The following LAMA4 variants were observed in gnomAD, a reference collection of about 807,000 sequenced individuals.
The protein encoded by LAMA4 is laminin subunit alpha 4.
Under a neutral mutation model 207.1 loss-of-function variants are expected in LAMA4, and 127 were observed. The ratio of observed to expected loss-of-function variants is 0.61; its 90% CI spans 0.53 to 0.71. The LOEUF is 0.71. Among genes scored for constraint, LAMA4 ranks in the 30% least tolerant of loss-of-function variants. LAMA4 has a pLI of 0.00. For synonymous variants in LAMA4, 761 were observed against 816.0 expected, an observed-to-expected ratio of 0.93 and a Z score of 1.15; for missense variants, 2,093 against 2,246.5, an observed-to-expected ratio of 0.93 and a Z score of 1.38.
chr6:112,150,624 C>T lies in LAMA4; in HGVS notation c.2060G>A (p.Ser687Asn). The T allele has an allele frequency of 6.2e-7, 1 of 1,611,834 alleles. No homozygotes were observed. The highest frequency in any genetic ancestry group is 8.5e-7 in the Non-Finnish European group (1 of 1,177,844). ...RELQAKAESS[S>N]DEAVADTSRR... Reference sequence around the variant, plus strand: ...GCTAGTGTCAGCCACTGCTTCATCACTGCCTGTGGAAGAGCAGCAGAAAGA... The same window carrying T: ...GCTAGTGTCAGCCACTGCTTCATCATTGCCTGTGGAAGAGCAGCAGAAAGA... Residue 687 changes from serine to asparagine, a missense_variant, in exon 17 of 39, where the codon AGT becomes AAT. By Grantham distance (46) the Ser-to-Asn change is conservative. Transcript: ENST00000230538.
chr6:112,161,074 C>T (rs537943709), intron 13 of LAMA4, among the ~76,000 whole-genome samples: 5 of 152,286 alleles, frequency 3.3e-5, no homozygotes, highest in South Asian at 4.1e-4. Flanking sequence ...TGGTCTCTTA[C>T]CTCTGCAAAT....
At position 112,144,876 on chromosome 6, in the gene LAMA4, T is replaced by C; in HGVS notation, c.2411A>G (p.Gln804Arg). 1 of 1,614,078 alleles carries C rather than the reference T, an allele frequency of 6.2e-7. No individual in the cohort carries two copies. Among genetic ancestry groups the C allele is most frequent in the East Asian group, 2.2e-5 (1 of 44,874 alleles). The change falls in exon 19 of 39, where the codon CAG becomes CGG. Residue 804 changes from glutamine (Q) to arginine (R), a missense_variant. Coordinates refer to ENST00000230538, the MANE Select transcript of LAMA4 (RefSeq NM_001105206.3). ...AGAAACGTTGCTTGCAGGTCGCTTC[T>C]GCTCAACCGTACGAAGCTGATCCAG... ...QLLDQLRTVE[Q>R]KRPASNVSAS...
chr6:112,254,393 C>G, intron 1 of LAMA4, 66 bp downstream of exon 1: 4 of 574,796 alleles, frequency 7.0e-6, no homozygotes, highest in South Asian at 2.0e-5. Flanking sequence ...CTCCCTCTCC[C>G]TCTTTCACTT....
chr6:112,164,459 A>G (rs1380910032), intron 13 of LAMA4, among the ~76,000 whole-genome samples: 3 of 152,130 alleles, frequency 2.0e-5, no homozygotes, highest in Admixed American at 1.3e-4. Context: ...CTGGAGGATA[A>G]GCTTGCTGGA....
chr6:112,191,399 G>A (rs1783112183), intron 6 of LAMA4, among the ~76,000 whole-genome samples: 2 of 152,172 alleles, frequency 1.3e-5, no homozygotes, highest in Admixed American at 1.3e-4. Flanking sequence ...AAGTTCATTT[G>A]TTGTGTTTGT....
At chr6:112,182,415 G>A (rs58039820) in intron 9 of LAMA4, among the ~76,000 whole-genome samples, 27,492 of 152,034 alleles carry the variant, frequency 0.18, 3,027 homozygotes, top group East Asian at 0.29. Flanking sequence ...TGTATTTTGC[G>A]TTTTGGAACT....
chr6:112,218,868 T>G (rs1298376521), intron 2 of LAMA4: 5 of 152,272 alleles, frequency 3.3e-5, no homozygotes, highest in Admixed American at 6.5e-5. Flanking sequence ...GCACACTACG[T>G]TCCTGCTGGG....
chr6:112,246,617 T>A (rs1225357577), intron 2 of LAMA4, among the ~76,000 whole-genome samples: 2 of 151,168 alleles, frequency 1.3e-5, no homozygotes, highest in Admixed American at 1.3e-4. Flanking sequence ...GCCTCCCGAG[T>A]TCAAGGAATT....
intron 19 of LAMA4, among the ~76,000 whole-genome samples, chr6:112,143,284 C>CTTTTTTT (rs61620762): frequency 1.6e-5 from 2 of 124,886 alleles, no homozygotes; most frequent in African/African-American, 3.2e-5. Context: ...AAAACTAATA[C>CTTTTTTT]TTTTTTTTTT....
chr6:112,158,597 A>T (rs1413304492), intron 14 of LAMA4, 135 bp downstream of exon 14: 3 of 886,410 alleles, frequency 3.4e-6, no homozygotes, highest in Non-Finnish European at 5.5e-6. Context: ...ACCAACCAAC[A>T]TATCAACACA....
At position 112,117,939 on chromosome 6, in the gene LAMA4, A is replaced by T. The variant is rs377512739; in HGVS notation, c.4822-41T>A. ...ATTTCTTAAAATCAATTTTCTCAAC[A>T]CAAATGCACCAAGGGGAAGCAAAAT... is the stretch of plus-strand genomic sequence containing the variant. On this transcript the variant is annotated intron_variant, in intron 34 of 38. Transcript: ENST00000230538. The surrounding 1 kb of genome is among the most constrained non-coding windows in gnomAD (Gnocchi z 4.5). 127 of 1,580,954 alleles carry T rather than the reference A, an allele frequency of 8.0e-5. No individual in the cohort carries two copies. The African/African-American group carries it at 1.6e-3, about 20-fold the overall frequency.
chr6:112,209,579 C>T (rs1336526005), intron 3 of LAMA4, among the ~76,000 whole-genome samples: 2 of 152,104 alleles, frequency 1.3e-5, no homozygotes, highest in Non-Finnish European at 2.9e-5. Context: ...AGAAAAGGTC[C>T]CTAGCTCTTC....
chr6:112,208,655 G>C (rs1441451323), intron 3 of LAMA4, among the ~76,000 whole-genome samples: 1 of 152,180 alleles, frequency 6.6e-6, no homozygotes, highest in Non-Finnish European at 1.5e-5. Context: ...GTAGTAAAAT[G>C]AATGCATTAG....
At chr6:112,240,089 C>A (rs1383587945) in intron 2 of LAMA4, among the ~76,000 whole-genome samples, 2 of 152,064 alleles carry the variant, frequency 1.3e-5, no homozygotes, top group African/African-American at 4.8e-5. Context: ...CTTTTGAATC[C>A]TTTTCATTGT....
rs782296410 is a variant in LAMA4 at position 112,189,171 on chromosome 6, T to A, written c.753A>T (p.Val251=). The change falls in exon 7 of 39, where the codon GTA becomes GTT. Residue 251 remains valine (V), a synonymous_variant. Transcript: ENST00000230538. ...CNCGGGPCDS[V]TGECLEEGFE... is the part of the protein sequence containing the mutation. Reference sequence around the variant, plus strand: ...AACCTTCTTCCAAGCATTCTCCGGTTACACTGTCACATGGGCCTCCCCCGC... The same window carrying A: ...AACCTTCTTCCAAGCATTCTCCGGTAACACTGTCACATGGGCCTCCCCCGC... 1 of 1,614,098 alleles carries A rather than the reference T, an allele frequency of 6.2e-7. No individual in the cohort carries two copies. The highest frequency in any genetic ancestry group is 8.5e-7 in the Non-Finnish European group (1 of 1,179,976).
intron 2 of LAMA4, chr6:112,234,645 C>A (rs1179232102): frequency 6.6e-6 from 1 of 151,336 alleles, no homozygotes; most frequent in Non-Finnish European, 1.5e-5. Flanking sequence ...AGATGAAGAT[C>A]TAATGTCATA....
intron 38 of LAMA4, among the ~76,000 whole-genome samples, chr6:112,111,851 G>A (rs1283560987): frequency 6.6e-6 from 1 of 152,184 alleles, no homozygotes; most frequent in African/African-American, 2.4e-5. Context: ...TTGTAGTGAG[G>A]GATGATGGCA....
intron 10 of LAMA4, among the ~76,000 whole-genome samples, chr6:112,176,710 A>G (rs1782046544): frequency 6.6e-6 from 1 of 152,322 alleles, no homozygotes; most frequent in South Asian, 2.1e-4. Context: ...TCTTATATTT[A>G]TAATTTTGGC....
In LAMA4 at chr6:112,141,409, G is replaced by T. The variant is rs782424587; in HGVS notation, c.2762C>A (p.Ser921Tyr). ...GTKDVEIPLD[S>Y]KPVSSWPAYF... ...AGCAGGCCAGGAACTGACGGGCTTG[G>T]AGTCCAGGGGAATCTCCACATCTTT... The change falls in exon 21 of 39, where the codon TCC (serine) becomes TAC (tyrosine). Residue 921 changes from serine (S) to tyrosine (Y), a missense_variant. Ser to Tyr is a moderately radical substitution (Grantham distance 144, BLOSUM62 -2). Coordinates refer to ENST00000230538, the MANE Select transcript of LAMA4 (RefSeq NM_001105206.3). 18 of 1,614,046 alleles carry T rather than the reference G, an allele frequency of 1.1e-5. No individual in the cohort carries two copies. Among genetic ancestry groups the T allele is most frequent in the Non-Finnish European group, 1.4e-5 (17 of 1,179,912 alleles).
Sources: allele counts gnomAD v4.1 joint callset (sites outside exome capture counted in the v4.1 genomes callset), GRCh38; gene constraint gnomAD v4.1.1; non-coding constraint Gnocchi (gnomAD v3.1); transcripts MANE v1.5; gene names NCBI Gene and HGNC (gene_info 2026-07-23, HGNC 2026-07-21).